Variants in SYT3 observed in about 807,000 individuals in gnomAD.
SYT3 encodes the protein synaptotagmin-3.
A neutral mutation model predicts 50.6 loss-of-function variants in SYT3; 25 were observed. The observed-to-expected ratio is 0.49, with a 90% CI of 0.36 to 0.69. The LOEUF (loss-of-function observed/expected upper bound fraction) is 0.69, where lower values mean the gene tolerates loss of function less well. SYT3 is among the 30% of genes least tolerant of loss of function. SYT3 has a pLI of 0.00. For missense variants in SYT3, 589 were observed against 793.6 expected, an observed-to-expected ratio of 0.74 and a Z score of 3.10; for synonymous variants, 323 against 353.9, an observed-to-expected ratio of 0.91 and a Z score of 0.98.
intron 5 of SYT3, 24 bp downstream of exon 5, chr19:50,629,760 G>A (rs1177077069): frequency 1.3e-6 from 2 of 1,587,614 alleles, no homozygotes; most frequent in Non-Finnish European, 8.6e-7. Context: ...GTGGGAACCC[G>A]GTGTCCAGCC....
chr19:50,626,662 C>G (rs1862481), intron 6 of SYT3, among the ~76,000 whole-genome samples: 96,604 of 147,268 alleles, frequency 0.66, 32,647 homozygotes, highest in Non-Finnish European at 0.75. Flanking sequence ...GAGACCCAGA[C>G]AGAGAGGGGG....
chr19:50,647,763 G>A, the SYT3 span, among the ~76,000 whole-genome samples: 1 of 152,114 alleles, frequency 6.6e-6, no homozygotes, highest in African/African-American at 2.4e-5. Context: ...AGAGAGGAGA[G>A]GAAGGAGAGG....
At chr19:50,656,013 G>A in the SYT3 span, 1,841 of 1,530,356 alleles carry the variant, frequency 1.2e-3, no homozygotes, top group Non-Finnish European at 1.5e-3. Context: ...GGCTGAGGAG[G>A]GCTCAGGGCA....
chr19:50,646,344 C>T, the SYT3 span, among the ~76,000 whole-genome samples: 1 of 152,158 alleles, frequency 6.6e-6, no homozygotes, highest in Non-Finnish European at 1.5e-5. Context: ...TGCCAGAGCC[C>T]ATGTTCTCTT....
At chr19:50,658,102 C>G in the SYT3 span, 3 of 1,535,236 alleles carry the variant, frequency 2.0e-6, no homozygotes, top group Middle Eastern at 1.7e-4. Flanking sequence ...TGAACGTCAT[C>G]TGTGGGACTG....
At position 50,625,525 on chromosome 19, in the gene SYT3, C is replaced by A; in HGVS notation, c.1442G>T (p.Arg481Leu). 2 of 1,605,578 alleles carry A rather than the reference C, an allele frequency of 1.2e-6. No individual in the cohort carries two copies. The highest frequency in any genetic ancestry group is 1.7e-6 in the Non-Finnish European group (2 of 1,176,236). ...GATGGAGGTTTTCCGCTTCTTCAGA[C>A]GCCGCCCCTCGCTGATCAGGGAGGC... ...VKASLISEGR[R>L]LKKRKTSIKK... Residue 481 changes from arginine (R) to leucine (L), a missense_variant, in exon 8 of 11, where the codon CGT (arginine) becomes CTT (leucine). Physicochemically the swap from Arg to Leu is moderately radical, Grantham distance 102. Around this residue, in one of 2 missense-constraint regions of SYT3, gnomAD observed 273 missense variants for 439.3 expected, o/e 0.62. Transcript: ENST00000600079. This position sits in a 1 kb window ranked among gnomAD's most constrained non-coding sequence, Gnocchi z 7.5.
the SYT3 span, among the ~76,000 whole-genome samples, chr19:50,656,830 G>T: frequency 6.6e-6 from 1 of 151,790 alleles, no homozygotes; most frequent in Non-Finnish European, 1.5e-5. Flanking sequence ...CAGGTGGCTG[G>T]AATCCCAGCT....
At chr19:50,648,524 A>G in the SYT3 span, among the ~76,000 whole-genome samples, 1 of 151,906 alleles carries the variant, frequency 6.6e-6, no homozygotes, top group Non-Finnish European at 1.5e-5. Flanking sequence ...ACCCAGAGAA[A>G]GGGATGCTGA....
At chr19:50,656,098 G>A in the SYT3 span, 13 of 1,536,138 alleles carry the variant, frequency 8.5e-6, no homozygotes, top group South Asian at 2.4e-5. Context: ...CAGGCTCGGA[G>A]CCTGGGCAGG....
the SYT3 span, among the ~76,000 whole-genome samples, chr19:50,649,200 A>AG: frequency 6.6e-6 from 1 of 151,906 alleles, no homozygotes; most frequent in Non-Finnish European, 1.5e-5. Flanking sequence ...TCTAGGAGAC[A>AG]GAGAGAGATA....
intron 6 of SYT3, 108 bp downstream of exon 6, chr19:50,629,186 T>A (rs980796085): frequency 2.3e-6 from 2 of 865,976 alleles, no homozygotes; most frequent in African/African-American, 3.4e-5. Flanking sequence ...AACAGAAAAA[T>A]GTGGGGACAA....
At chr19:50,634,985 A>G (rs969210156) in intron 3 of SYT3, among the ~76,000 whole-genome samples, 2 of 151,974 alleles carry the variant, frequency 1.3e-5, no homozygotes, top group Admixed American at 6.6e-5. Context: ...ATCTTGGCTC[A>G]CTGCAAGCTC....
chr19:50,638,150 G>A (rs950417887), intron 2 of SYT3: 2 of 152,320 alleles, frequency 1.3e-5, no homozygotes, highest in African/African-American at 2.4e-5. Flanking sequence ...GGAACTCAGA[G>A]GGGGGCGGTC....
upstream of SYT3, among the ~76,000 whole-genome samples, chr19:50,643,563 A>C (rs1984712851): frequency 6.6e-6 from 1 of 152,104 alleles, no homozygotes; most frequent in African/African-American, 2.4e-5. Context: ...GAGGACTTGC[A>C]TGCTACTGCT....
intron 3 of SYT3, among the ~76,000 whole-genome samples, chr19:50,634,372 C>G (rs1407912605): frequency 1.3e-5 from 2 of 152,280 alleles, no homozygotes; most frequent in South Asian, 2.1e-4. Context: ...GAAGGGGTTG[C>G]CTTCTGGTCC....
At chr19:50,651,902 A>G in the SYT3 span, among the ~76,000 whole-genome samples, 1 of 152,314 alleles carries the variant, frequency 6.6e-6, no homozygotes, top group South Asian at 2.1e-4. Flanking sequence ...AAACTATTGT[A>G]TTCACATTTT....
chr19:50,638,551 A>T (rs1417955065), intron 2 of SYT3, among the ~76,000 whole-genome samples: 1 of 152,042 alleles, frequency 6.6e-6, no homozygotes, highest in African/African-American at 2.4e-5. Context: ...GGCAGAAGGA[A>T]AGTCAAGGAT....
chr19:50,627,212 T>C (rs1056366400), intron 6 of SYT3, among the ~76,000 whole-genome samples: 6 of 152,112 alleles, frequency 3.9e-5, no homozygotes, highest in Non-Finnish European at 8.8e-5. Context: ...GCCCAGGCTG[T>C]CCCTCTGCCA....
At chr19:50,636,593 T>C (rs1169295613) in intron 3 of SYT3, among the ~76,000 whole-genome samples, 1 of 152,252 alleles carries the variant, frequency 6.6e-6, no homozygotes, top group Non-Finnish European at 1.5e-5. Context: ...GCACTCATAA[T>C]GTTTCCTCAT....
Sources: allele counts gnomAD v4.1 joint callset (sites outside exome capture counted in the v4.1 genomes callset), GRCh38; gene constraint gnomAD v4.1.1; regional missense constraint gnomAD v4.1.1; non-coding constraint Gnocchi (gnomAD v3.1); transcripts MANE v1.5; gene names NCBI Gene and HGNC (gene_info 2026-07-23, HGNC 2026-07-21).